Variants in UTRN observed in about 807,000 individuals in gnomAD.
UTRN encodes the protein utrophin.
UTRN carries 283 observed loss-of-function variants against 463.9 expected under a neutral mutation model. The observed-to-expected ratio is 0.61, with a 90% CI of 0.55 to 0.67. The LOEUF (loss-of-function observed/expected upper bound fraction) is 0.67, where lower values mean the gene tolerates loss of function less well. Ranked by LOEUF, UTRN falls within the 30% of genes least tolerant of loss-of-function variation. The pLI is 0.00. For missense variants in UTRN, 3,922 were observed against 4,084.3 expected (o/e 0.96, Z 1.08); for synonymous variants, 1,442 against 1,431.5 (o/e 1.01, Z -0.17).
intron 61 of UTRN, among the ~76,000 whole-genome samples, chr6:144,786,341 A>G (rs1776288211): frequency 6.6e-6 from 1 of 152,172 alleles, no homozygotes; most frequent in Admixed American, 6.5e-5. Context: ...GCTGGAGTGC[A>G]GTGGCATGAT....
At chr6:144,586,814 G>C (rs910249876) in intron 51 of UTRN, among the ~76,000 whole-genome samples, 1 of 152,136 alleles carries the variant, frequency 6.6e-6, no homozygotes, top group East Asian at 1.9e-4. Context: ...AAAATATTTA[G>C]TGCTGTAAAT....
intron 2 of UTRN, among the ~76,000 whole-genome samples, chr6:144,385,600 G>A (rs527476389): frequency 6.6e-6 from 1 of 152,244 alleles, no homozygotes; most frequent in South Asian, 2.1e-4. Flanking sequence ...CAAGTTTGCA[G>A]TACCCAGTGA....
intron 52 of UTRN, among the ~76,000 whole-genome samples, chr6:144,679,172 C>T (rs1450382402): frequency 6.6e-6 from 1 of 151,986 alleles, no homozygotes; most frequent in African/African-American, 2.4e-5. Flanking sequence ...TGATTCATGT[C>T]TGCATTTGGA....
intron 51 of UTRN, among the ~76,000 whole-genome samples, chr6:144,593,118 A>G (rs60690593): frequency 0.017 from 2,514 of 152,306 alleles, 81 homozygotes; most frequent in African/African-American, 0.058. Flanking sequence ...GAATAGACTG[A>G]ATGAGTAAAC....
intron 51 of UTRN, among the ~76,000 whole-genome samples, chr6:144,642,621 G>A (rs1192240024): frequency 6.6e-6 from 1 of 152,084 alleles, no homozygotes; most frequent in African/African-American, 2.4e-5. Context: ...ACAACGTCAC[G>A]TTTTCTTAAC....
chr6:144,835,803 A>G lies in UTRN; in HGVS notation c.9689A>G (p.Gln3230Arg), dbSNP rs145576242. 887 of 1,614,102 alleles carry G rather than the reference A, an allele frequency of 5.5e-4. 12 individuals carry two copies. In the East Asian group the frequency reaches 0.019, roughly 35 times the overall value. The change falls in exon 70 of 75, where the codon CAG becomes CGG. Residue 3230 changes from glutamine (Q) to arginine (R), a missense_variant. Physicochemically the swap from Gln to Arg is conservative, Grantham distance 43 (BLOSUM62 1). Around this residue, in one of 3 missense-constraint regions of UTRN, gnomAD observed 1,309 missense variants for 1,452.6 expected, o/e 0.90. Coordinates refer to ENST00000367545, the MANE Select transcript of UTRN (RefSeq NM_007124.3). Reference sequence around the variant, plus strand: ...AGGGAAGACGAGCACGCCCTCATCCAGCAGTATTGCCAAACACTCGGAGGA... The same window carrying G: ...AGGGAAGACGAGCACGCCCTCATCCGGCAGTATTGCCAAACACTCGGAGGA... ...GSVEDEHALIQQYCQTLGGES... is the reference protein window; with the variant it reads ...GSVEDEHALIRQYCQTLGGES...
At chr6:144,541,102 G>A (rs1300160472) in intron 45 of UTRN, among the ~76,000 whole-genome samples, 1 of 152,160 alleles carries the variant, frequency 6.6e-6, no homozygotes, top group Non-Finnish European at 1.5e-5. Flanking sequence ...TCTAGACAAA[G>A]CAGCCAATAT....
chr6:144,433,083 T>C (rs1280159764), intron 9 of UTRN, among the ~76,000 whole-genome samples: 9 of 152,308 alleles, frequency 5.9e-5, no homozygotes, highest in Middle Eastern at 6.8e-3. Context: ...CCATGTCTCC[T>C]TCTTTCTACA....
chr6:144,496,129 C>G (rs887501727), intron 33 of UTRN, among the ~76,000 whole-genome samples: 1 of 152,074 alleles, frequency 6.6e-6, no homozygotes, highest in Non-Finnish European at 1.5e-5. Context: ...TGCCCTGAAA[C>G]CAGGAGAGCA....
intron 2 of UTRN, among the ~76,000 whole-genome samples, chr6:144,314,656 A>G (rs906579814): frequency 6.6e-6 from 1 of 152,202 alleles, no homozygotes; most frequent in African/African-American, 2.4e-5. Context: ...ACAGTACCCT[A>G]TCATCCAATA....
At chr6:144,648,631 GT>G (rs1200367114) in intron 51 of UTRN, among the ~76,000 whole-genome samples, 3 of 152,184 alleles carry the variant, frequency 2.0e-5, no homozygotes, top group Non-Finnish European at 4.4e-5. Flanking sequence ...CAATTTATGA[GT>G]TAAGATGAGT....
At chr6:144,307,210 A>AT (rs1382020188) in intron 2 of UTRN, among the ~76,000 whole-genome samples, 2 of 152,088 alleles carry the variant, frequency 1.3e-5, no homozygotes, top group Admixed American at 6.6e-5. Flanking sequence ...GATTTGTAAT[A>AT]TTTTTTAGTA....
chr6:144,438,477 T>A (rs1786805198), intron 11 of UTRN, among the ~76,000 whole-genome samples: 1 of 152,246 alleles, frequency 6.6e-6, no homozygotes, highest in Admixed American at 6.5e-5. Flanking sequence ...ACCTATTTAA[T>A]AAGCAGGAAT....
intron 21 of UTRN, among the ~76,000 whole-genome samples, chr6:144,460,344 T>C (rs1052108388): frequency 5.9e-5 from 9 of 152,216 alleles, no homozygotes; most frequent in Non-Finnish European, 1.2e-4. Flanking sequence ...GTGAAATGCA[T>C]TGAGCATTGT....
At position 144,479,684 on chromosome 6, in the gene UTRN, T is replaced by C. The variant is rs1486255518; in HGVS notation, c.3337-128T>C. ...CGTTAGCATGAGATGTATGAGATTTTATCTGAATTTTAAAGCATGCAATTC... is the reference window on the plus strand; with the variant it reads ...CGTTAGCATGAGATGTATGAGATTTCATCTGAATTTTAAAGCATGCAATTC... On this transcript the variant is annotated intron_variant, in intron 25 of 74. Transcript: ENST00000367545. 4.5e-6 allele frequency: 5 copies of C among 1,112,256 alleles called. No individual in the cohort carries two copies. The Admixed American group carries it at 1.0e-4, about 23-fold the overall frequency. The allele number at this position is 1,112,256 out of a possible 1,614,324, so 68.9% of individuals were successfully genotyped here.
chr6:144,704,238 C>T (rs940357017), intron 53 of UTRN, among the ~76,000 whole-genome samples: 1 of 152,120 alleles, frequency 6.6e-6, no homozygotes, highest in Non-Finnish European at 1.5e-5. Context: ...ATGTCAGTTT[C>T]CTAGCTTAGT....
intron 51 of UTRN, among the ~76,000 whole-genome samples, chr6:144,645,767 T>C (rs1260010281): frequency 6.6e-6 from 1 of 152,122 alleles, no homozygotes; most frequent in African/African-American, 2.4e-5. Context: ...GTGTTGGTGA[T>C]GTGAGTATTA....
intron 65 of UTRN, among the ~76,000 whole-genome samples, chr6:144,804,707 G>A (rs960625927): frequency 6.6e-6 from 1 of 152,116 alleles, no homozygotes; most frequent in Non-Finnish European, 1.5e-5. Flanking sequence ...GAGAGACTGG[G>A]AGACAGGGGT....
chr6:144,348,938 A>G (rs1777846921), intron 2 of UTRN, among the ~76,000 whole-genome samples: 1 of 152,170 alleles, frequency 6.6e-6, no homozygotes, highest in South Asian at 2.1e-4. Flanking sequence ...CCATCTCAAA[A>G]AAAAACAAAA....
Sources: gnomAD v4.1 joint callset for allele counts (sites outside exome capture counted in the v4.1 genomes callset) on GRCh38, gnomAD v4.1.1 for gene constraint, gnomAD v4.1.1 regional missense constraint, MANE v1.5 for transcripts, NCBI Gene and HGNC (gene_info 2026-07-23, HGNC 2026-07-21) for gene names.